SCN1A: variants seen among roughly 807,000 people sequenced by gnomAD.
SCN1A encodes sodium voltage-gated channel alpha subunit 1.
A neutral mutation model predicts 193.7 loss-of-function variants in SCN1A; 13 were observed. That is an observed-to-expected ratio of 0.07 (90% CI 0.04 to 0.11). The LOEUF (loss-of-function observed/expected upper bound fraction) is 0.11. SCN1A is among the 10% of genes least tolerant of loss of function. The pLI, the probability that SCN1A is intolerant of heterozygous loss-of-function variation, is 1.00. For synonymous variants in SCN1A, 781 were observed against 843.6 expected (o/e 0.93, Z 1.29); for missense variants, 1,432 against 2,451.1 (o/e 0.58, Z 8.78).
intron 2 of SCN1A, chr2:166,081,701 T>G (rs1291723335): frequency 6.6e-6 from 1 of 151,790 alleles, no homozygotes; most frequent in Non-Finnish European, 1.5e-5. Flanking sequence ...GATTTTTTGG[T>G]TCAATAATGT....
intron 19 of SCN1A, among the ~76,000 whole-genome samples, chr2:166,023,878 C>T (rs1227566175): frequency 6.6e-6 from 1 of 151,854 alleles, no homozygotes; most frequent in Non-Finnish European, 1.5e-5. Context: ...CGGGCTCAAG[C>T]GATTCCCCTG....
At chr2:165,985,037 A>C (rs16851327), downstream of SCN1A, 20,880 of 152,142 alleles carry the variant, frequency 0.14, 1,826 homozygotes, top group East Asian at 0.34. Flanking sequence ...AACCTTTAAA[A>C]ATAATGAGAT....
intron 28 of SCN1A, 36 bp downstream of exon 28, chr2:165,994,110 A>C (rs766330227): frequency 1.3e-6 from 2 of 1,503,332 alleles, no homozygotes; most frequent in Non-Finnish European, 1.8e-6. Flanking sequence ...TTTCACTTTT[A>C]TTTAACTGAA....
chr2:166,127,451 G>T (rs1161613842), intron 1 of SCN1A, among the ~76,000 whole-genome samples: 1 of 152,130 alleles, frequency 6.6e-6, no homozygotes, highest in East Asian at 1.9e-4. Flanking sequence ...AGGATCAAAA[G>T]GGACCTTGAA....
intron 4 of SCN1A, among the ~76,000 whole-genome samples, chr2:166,069,918 T>C (rs11692675): frequency 0.28 from 42,828 of 152,066 alleles, 6,373 homozygotes; most frequent in Non-Finnish European, 0.34. Flanking sequence ...GTGTCAAGAG[T>C]ACTGTGTATG....
intron 19 of SCN1A, among the ~76,000 whole-genome samples, chr2:166,021,087 G>A (rs559158806): frequency 2.0e-5 from 3 of 152,232 alleles, no homozygotes; most frequent in East Asian, 3.9e-4. Flanking sequence ...GCTCTACTTC[G>A]CAAGTCAGCA....
chr2:165,994,579 T>C, intron 27 of SCN1A, among the ~76,000 whole-genome samples, 163 bp from the exon 28 acceptor site: 1 of 152,000 alleles, frequency 6.6e-6, no homozygotes, highest in African/African-American at 2.4e-5. Context: ...AAAATTTAGT[T>C]ATTTAAATTG....
At chr2:166,121,186 G>A (rs1300204232) in intron 2 of SCN1A, among the ~76,000 whole-genome samples, 1 of 150,672 alleles carries the variant, frequency 6.6e-6, no homozygotes, top group Non-Finnish European at 1.5e-5. Flanking sequence ...ATTCATTCTA[G>A]ATTACAGCAC....
At chr2:166,122,723 T>G (rs992466039) in intron 2 of SCN1A, among the ~76,000 whole-genome samples, 2 of 152,128 alleles carry the variant, frequency 1.3e-5, no homozygotes, top group African/African-American at 4.8e-5. Context: ...TGCAAAAAGT[T>G]GACTCAGAAT....
chr2:166,004,390 A>G (rs776797535), intron 23 of SCN1A, among the ~76,000 whole-genome samples: 1 of 151,380 alleles, frequency 6.6e-6, no homozygotes, highest in Non-Finnish European at 1.5e-5. Flanking sequence ...ATCTATACCT[A>G]TTTCTCGATT....
At chr2:166,138,774 C>G (rs1691964191) in intron 1 of SCN1A, among the ~76,000 whole-genome samples, 1 of 152,074 alleles carries the variant, frequency 6.6e-6, no homozygotes, top group Admixed American at 6.5e-5. Flanking sequence ...TCCTCCAGAC[C>G]CCAGAATGGT....
chr2:165,991,627 T>C lies in SCN1A; in HGVS notation c.5648A>G (p.Asp1883Gly). ...KRVLGESGEMDALRIQMEERF... is the reference protein window; with the variant it reads ...KRVLGESGEMGALRIQMEERF... The stretch of plus-strand genomic sequence containing the variant: ...CTCTTCCATCTGTATTCGTAGAGCA[T>C]CCATCTCTCCACTCTCTCCTAGAAC... Residue 1883 changes from aspartate (D) to glycine (G), a missense_variant, in exon 29 of 29, where the codon GAT (aspartate) becomes GGT (glycine). By Grantham distance (94) the Asp-to-Gly change is moderately conservative. Around this residue, in one of 18 missense-constraint regions of SCN1A, gnomAD observed 148 missense variants for 160.3 expected, o/e 0.92. Coordinates refer to ENST00000674923, the MANE Select transcript of SCN1A (RefSeq NM_001165963.4). The C allele has an allele frequency of 6.2e-7, 1 of 1,613,892 alleles. No individual in the cohort carries two copies. Among genetic ancestry groups the C allele is most frequent in the Non-Finnish European group, 8.5e-7 (1 of 1,179,896 alleles).
At position 166,046,886 on chromosome 2, in the gene SCN1A, C is replaced by G. The variant is rs781507889; in HGVS notation, c.1261G>C (p.Val421Leu). ...SFYLINLILA[V>L]VAMAYEEQNQ... ...TGTTCCTCGTAGGCCATGGCCACCA[C>G]AGCCAGGATCAAATTTATTAGGTAG... The change falls in exon 12 of 29, where the codon GTG becomes CTG. Residue 421 changes from valine (V) to leucine (L), a missense_variant. Around this residue, in one of 18 missense-constraint regions of SCN1A, gnomAD observed 58 missense variants for 103.4 expected, o/e 0.56. Coordinates refer to ENST00000674923, the MANE Select transcript of SCN1A (RefSeq NM_001165963.4). The G allele has an allele frequency of 6.2e-7, 1 of 1,613,976 alleles. No individual in the cohort carries two copies. Among genetic ancestry groups the G allele is most frequent in the Non-Finnish European group, 8.5e-7 (1 of 1,179,908 alleles).
At chr2:166,125,336 A>G (rs1450772940) in intron 2 of SCN1A, among the ~76,000 whole-genome samples, 4 of 152,186 alleles carry the variant, frequency 2.6e-5, no homozygotes, top group African/African-American at 7.2e-5. Context: ...TGGCGAGTAC[A>G]GGGAGAAAAT....
At chr2:165,993,970 C>T (rs773834038) in intron 28 of SCN1A, 176 bp downstream of exon 28, 1 of 618,414 alleles carries the variant, frequency 1.6e-6, no homozygotes, top group Non-Finnish European at 2.8e-6. Context: ...GAATAAGAAA[C>T]AATACTGACA....
In SCN1A at chr2:165,994,391, T is replaced by C; in HGVS notation, c.4607A>G (p.Asp1536Gly). The C allele has an allele frequency of 6.2e-7, 1 of 1,612,848 alleles. No individual in the cohort carries two copies. Among genetic ancestry groups the C allele is most frequent in the Non-Finnish European group, 8.5e-7 (1 of 1,179,254 alleles). ...GTCAAAAACTTGTCTGGTTACGAAG[T>C]CAAAGACCATTCCTTGAAATTTGTT... Reference protein sequence around the residue: ...PGNKFQGMVFDFVTRQVFDIS... With the variant: ...PGNKFQGMVFGFVTRQVFDIS... The change falls in exon 28 of 29, where the codon GAC (aspartate) becomes GGC (glycine). Residue 1536 changes from aspartate (D) to glycine (G), a missense_variant. By Grantham distance (94) the Asp-to-Gly change is moderately conservative. Around this residue, in one of 18 missense-constraint regions of SCN1A, gnomAD observed 85 missense variants for 119.1 expected, o/e 0.71. Transcript: ENST00000674923.
At chr2:166,102,232 C>T (rs983908663) in intron 2 of SCN1A, among the ~76,000 whole-genome samples, 1 of 152,192 alleles carries the variant, frequency 6.6e-6, no homozygotes. Context: ...CGCGGTGACT[C>T]GCGCCTGCAA....
intron 2 of SCN1A, among the ~76,000 whole-genome samples, chr2:166,086,170 C>T (rs1255977088): frequency 6.6e-6 from 1 of 152,012 alleles, no homozygotes; most frequent in Non-Finnish European, 1.5e-5. Flanking sequence ...CCTTATAACC[C>T]CTCCCTCACT....
Position 165,991,584 on chromosome 2 carries a change from A to C in SCN1A, c.5691T>G (p.Asn1897Lys), listed in dbSNP as rs1689157351. ...IQMEERFMAS[N>K]PSKVSYQPIT... is the part of the protein sequence containing the mutation. The stretch of plus-strand genomic sequence containing the variant: ...TTGGCTGATAGGAGACCTTGGAAGG[A>C]TTGGAAGCCATGAATCGCTCTTCCA... The change falls in exon 29 of 29, where the codon AAT becomes AAG. Residue 1897 changes from asparagine (N) to lysine (K), a missense_variant. Transcript: ENST00000674923. The C allele has an allele frequency of 6.2e-7, 1 of 1,613,852 alleles. No homozygotes were observed. The highest frequency in any genetic ancestry group is 8.5e-7 in the Non-Finnish European group (1 of 1,179,884).
Sources: gnomAD v4.1 joint callset for allele counts (sites outside exome capture counted in the v4.1 genomes callset) on GRCh38, gnomAD v4.1.1 for gene constraint, gnomAD v4.1.1 regional missense constraint, MANE v1.5 for transcripts, NCBI Gene and HGNC (gene_info 2026-07-23, HGNC 2026-07-21) for gene names.